Variants in DNAH6 observed in about 807,000 individuals in gnomAD.
The protein encoded by DNAH6 is dynein axonemal heavy chain 6, also known as axonemal beta dynein heavy chain 6.
DNAH6 carries 340 observed loss-of-function variants against 491.4 expected under a neutral mutation model. The ratio of observed to expected loss-of-function variants is 0.69; its 90% CI spans 0.63 to 0.76. The LOEUF is 0.76. Among genes scored for constraint, DNAH6 ranks in the 30% least tolerant of loss-of-function variants. The pLI is 0.00. For synonymous variants in DNAH6, 1,603 were observed against 1,686.1 expected, an observed-to-expected ratio of 0.95 and a Z score of 1.21; for missense variants, 4,443 against 4,972.2, an observed-to-expected ratio of 0.89 and a Z score of 3.20.
At chr2:84,479,353 C>A in the DNAH6 span, among the ~76,000 whole-genome samples, 1 of 152,230 alleles carries the variant, frequency 6.6e-6, no homozygotes, top group Non-Finnish European at 1.5e-5. Flanking sequence ...CTCTACCACT[C>A]TCATACTGTC....
intron 12 of DNAH6, among the ~76,000 whole-genome samples, chr2:84,575,427 A>G (rs1364230156): frequency 1.3e-5 from 2 of 152,296 alleles, no homozygotes; most frequent in Non-Finnish European, 2.9e-5. Context: ...TCTAAGTAAT[A>G]TTTAGACATT....
rs58744232 is a variant in DNAH6, at chr2:84,605,191, C to CAA, written c.3082-298_3082-297dup. Among the ~76,000 whole-genome samples, 32 of 138,416 alleles carry CAA rather than the reference C, an allele frequency of 2.3e-4. 1 individual carries two copies. Among genetic ancestry groups the CAA allele is most frequent in the African/African-American group, 8.4e-4 (32 of 38,226 alleles). 90.8% of individuals were successfully genotyped at this position (138,416 alleles called of 152,430 possible). ...TGAAACCCTATCTCTATTAAAAATA[C>CAA]AAAAAAAAAAAATTAGCCAGGCGTG... On this transcript the variant is annotated intron_variant, in intron 19 of 76. Coordinates refer to ENST00000389394, the MANE Select transcript of DNAH6 (RefSeq NM_001370.2).
the DNAH6 span, chr2:84,460,007 A>T: frequency 2.6e-5 from 4 of 152,214 alleles, no homozygotes. Context: ...GTCAAATGTG[A>T]CTTTGCTCCC....
rs1052416810 is a variant in DNAH6 at position 84,715,662 on chromosome 2, G to A, written c.9611+35G>A. On this transcript the variant is annotated intron_variant, in intron 58 of 76. Coordinates refer to ENST00000389394, the MANE Select transcript of DNAH6 (RefSeq NM_001370.2). ...CAGGGAGTTGAGGGGAGGGAAGGGG[G>A]TATTGTGGGTTTCCTAAATATTTTG... The A allele has an allele frequency of 4.7e-6, 7 of 1,503,286 alleles. No individual in the cohort carries two copies. In the South Asian group the frequency reaches 4.8e-5, roughly 10 times the overall value. 93.1% of individuals were successfully genotyped at this position (1,503,286 alleles called of 1,614,324 possible).
intron 22 of DNAH6, among the ~76,000 whole-genome samples, chr2:84,614,877 T>C (rs896365581): frequency 6.6e-6 from 1 of 152,094 alleles, no homozygotes. Context: ...GGATTGTTTG[T>C]TTTTTTCTTG....
intron 18 of DNAH6, among the ~76,000 whole-genome samples, chr2:84,601,955 A>G (rs2365446): frequency 0.44 from 66,727 of 151,760 alleles, 15,453 homozygotes; most frequent in East Asian, 0.78. Context: ...TAATTAATCC[A>G]AATCAATTAT....
chr2:84,573,075 T>G (rs987827289), intron 11 of DNAH6, among the ~76,000 whole-genome samples: 2 of 152,202 alleles, frequency 1.3e-5, no homozygotes, highest in Non-Finnish European at 2.9e-5. Context: ...CTGGGCATGC[T>G]AAACAGGTTT....
chr2:84,689,083 C>T (rs1247508978), intron 45 of DNAH6, among the ~76,000 whole-genome samples: 1 of 152,212 alleles, frequency 6.6e-6, no homozygotes, highest in Non-Finnish European at 1.5e-5. Flanking sequence ...GTCCTTGGGG[C>T]ACACTTCCTG....
intron 33 of DNAH6, among the ~76,000 whole-genome samples, chr2:84,644,551 C>T (rs1689723671): frequency 6.6e-6 from 1 of 152,030 alleles, no homozygotes; most frequent in Non-Finnish European, 1.5e-5. Flanking sequence ...GCATTCAGCC[C>T]AGCATCCACT....
In DNAH6 at chr2:84,733,564, A is replaced by G. The variant is rs1472468734; in HGVS notation, c.10327A>G (p.Ile3443Val). ...GLTQNILSHPISIRLGSFETY... is the reference protein window; with the variant it reads ...GLTQNILSHPVSIRLGSFETY... ...TACCCAAAATATATTGTCACATCCT[A>G]TTTCCATACGCTTAGGTAATGTGAC... Residue 3443 changes from isoleucine to valine, a missense_variant, in exon 62 of 77, where the codon ATT becomes GTT. Transcript: ENST00000389394. The G allele has an allele frequency of 2.6e-6, 4 of 1,551,560 alleles. No homozygotes were observed. The East Asian group carries it at 7.3e-5, about 28-fold the overall frequency.
intron 18 of DNAH6, among the ~76,000 whole-genome samples, chr2:84,600,461 A>G (rs142456149): frequency 7.2e-4 from 110 of 152,280 alleles, no homozygotes; most frequent in African/African-American, 2.5e-3. Context: ...GATTTCATCC[A>G]TGATAAAACA....
chr2:84,706,203 G>A (rs1037532251), intron 52 of DNAH6, among the ~76,000 whole-genome samples: 1 of 152,166 alleles, frequency 6.6e-6, no homozygotes, highest in Non-Finnish European at 1.5e-5. Context: ...TAGAGCAGGG[G>A]TTGGCAAACT....
chr2:84,812,949 G>A, intron 73 of DNAH6, 109 bp from the exon 74 acceptor site: 1 of 873,480 alleles, frequency 1.1e-6, no homozygotes, highest in East Asian at 2.6e-5. Flanking sequence ...CTAACTCAGG[G>A]CTGCTTTAGA....
At chr2:84,558,936 T>G (rs1488710883) in intron 11 of DNAH6, among the ~76,000 whole-genome samples, 2 of 152,164 alleles carry the variant, frequency 1.3e-5, no homozygotes, top group Non-Finnish European at 2.9e-5. Context: ...ATACTGTAAT[T>G]TTCAAACCTA....
chr2:84,748,123 C>T (rs1673142136), intron 63 of DNAH6, among the ~76,000 whole-genome samples: 1 of 152,152 alleles, frequency 6.6e-6, no homozygotes, highest in Admixed American at 6.5e-5. Flanking sequence ...TTCCCCCTGC[C>T]TTGAATGGTA....
Position 84,603,504 on chromosome 2 carries a change from A to G in DNAH6, c.2869-835A>G, listed in dbSNP as rs142524920. On this transcript the variant is annotated intron_variant, in intron 18 of 76. Coordinates refer to ENST00000389394, the MANE Select transcript of DNAH6 (RefSeq NM_001370.2). ...GCTTTCCACTCTGTATCCCACTGCT[A>G]TTTTTACTCAGTATTTGATAACATG... Among the ~76,000 whole-genome samples, 54 of 152,124 alleles carry G rather than the reference A, an allele frequency of 3.5e-4. No individual in the cohort carries two copies. The East Asian group carries it at 4.8e-3, about 14-fold the overall frequency.
At chr2:84,792,682 C>T (rs1052102045) in intron 68 of DNAH6, among the ~76,000 whole-genome samples, 1 of 152,066 alleles carries the variant, frequency 6.6e-6, no homozygotes. Flanking sequence ...AAAGGTAAGC[C>T]GGGGGCATAT....
intron 65 of DNAH6, among the ~76,000 whole-genome samples, chr2:84,782,945 G>A (rs754273913): frequency 4.6e-5 from 7 of 152,112 alleles, no homozygotes; most frequent in Admixed American, 2.0e-4. Flanking sequence ...AGACTGGATC[G>A]GCTAATGAAG....
chr2:84,577,178 G>T (rs946938465), intron 12 of DNAH6, 79 bp from the exon 13 acceptor site: 16 of 864,010 alleles, frequency 1.9e-5, no homozygotes, highest in Non-Finnish European at 2.6e-5. Context: ...TCAATGCAAT[G>T]ATTTTTAATA....
Sources: allele counts gnomAD v4.1 joint callset (sites outside exome capture counted in the v4.1 genomes callset), GRCh38; gene constraint gnomAD v4.1.1; transcripts MANE v1.5; gene names NCBI Gene and HGNC (gene_info 2026-07-23, HGNC 2026-07-21).